WFS1: variants seen among roughly 807,000 people sequenced by gnomAD.
WFS1 encodes the protein wolframin.
A neutral mutation model predicts 68.5 loss-of-function variants in WFS1; 90 were observed. That is an observed-to-expected ratio of 1.31 (90% CI 1.11 to 1.56). The LOEUF (loss-of-function observed/expected upper bound fraction) is 1.56. WFS1 is among the 40% of genes most tolerant of loss of function. The pLI is 0.00. For missense variants in WFS1, 1,767 were observed against 1,232.6 expected, an observed-to-expected ratio of 1.43 and a Z score of -6.49; for synonymous variants, 860 against 540.7, an observed-to-expected ratio of 1.59 and a Z score of -8.19.
intron 7 of WFS1, among the ~76,000 whole-genome samples, chr4:6,298,309 G>A (rs1333030899): frequency 3.9e-5 from 6 of 152,226 alleles, no homozygotes; most frequent in African/African-American, 9.6e-5. Flanking sequence ...CCTGGAGTAG[G>A]TTGGTTTTCA....
chr4:6,298,873 A>C (rs1730732346), intron 7 of WFS1, among the ~76,000 whole-genome samples: 1 of 152,166 alleles, frequency 6.6e-6, no homozygotes, highest in Non-Finnish European at 1.5e-5. Context: ...AACCTGCCCC[A>C]GGGGATTTGT....
At chr4:6,300,379 A>G (rs1223240111) in intron 7 of WFS1, among the ~76,000 whole-genome samples, 1 of 152,048 alleles carries the variant, frequency 6.6e-6, no homozygotes, top group Non-Finnish European at 1.5e-5. Flanking sequence ...GGAGAGAAGC[A>G]CACATGCATC....
chr4:6,301,743 T>G lies in WFS1; in HGVS notation c.1948T>G (p.Tyr650Asp), dbSNP rs759581954. ...GGCCATCGTGCTGTTCTGCTGGTTC[T>G]ATGTGTACCGCTCAGAGGGCATGAA... ...LTAIVLFCWF[Y>D]VYRSEGMKVY... The change falls in exon 8 of 8, where the codon TAT becomes GAT. Residue 650 changes from tyrosine to aspartate, a missense_variant. By Grantham distance (160) the Tyr-to-Asp change is radical (BLOSUM62 -3). Coordinates refer to ENST00000226760, the MANE Select transcript of WFS1 (RefSeq NM_006005.3). 17 of 1,613,852 alleles carry G rather than the reference T, an allele frequency of 1.1e-5. No individual in the cohort carries two copies. The South Asian group carries it at 1.6e-4, about 16-fold the overall frequency.
rs1380857019 is a variant in WFS1 at position 6,299,755 on chromosome 4, AG to A, written c.862-898del. Among the ~76,000 whole-genome samples the A allele has an allele frequency of 2.8e-4, 10 of 35,908 alleles. No homozygotes were observed. The East Asian group carries it at 2.8e-3, about 10-fold the overall frequency. 23.6% of individuals were successfully genotyped at this position (35,908 alleles called of 152,430 possible). A position where few individuals can be genotyped will look rare whatever the true frequency, so the allele number is the denominator to read the frequency against. On this transcript the variant is annotated intron_variant, in intron 7 of 7. Transcript: ENST00000226760. Reference sequence around the variant, plus strand: ...GCGGGTAGGTTGCGTGTGTGTGTGTAGGGGTGGGTTGCGTGTGTGTGAATGT... The same window carrying A: ...GCGGGTAGGTTGCGTGTGTGTGTGTAGGGTGGGTTGCGTGTGTGTGAATGT...
rs780482227 is a variant in WFS1, at chr4:6,301,386, C to T, written c.1591C>T (p.Leu531Phe). The T allele has an allele frequency of 6.2e-6, 10 of 1,612,630 alleles. No individual in the cohort carries two copies. The highest frequency in any genetic ancestry group is 5.5e-5 in the South Asian group (5 of 91,084). Residue 531 changes from leucine (L) to phenylalanine (F), a missense_variant, in exon 8 of 8, where the codon CTT becomes TTT. Transcript: ENST00000226760. ...GAATTTCAAGGGCACCTACTGCTACCTTGTGCCCTACCTGGTGTGCTTCAT... is the reference window on the plus strand; with the variant it reads ...GAATTTCAAGGGCACCTACTGCTACTTTGTGCCCTACCTGGTGTGCTTCAT... ...LRNFKGTYCYLVPYLVCFMWC... is the reference protein window; with the variant it reads ...LRNFKGTYCYFVPYLVCFMWC...
intron 4 of WFS1, among the ~76,000 whole-genome samples, chr4:6,290,570 G>A (rs1730432579): frequency 6.6e-6 from 1 of 152,240 alleles, no homozygotes; most frequent in African/African-American, 2.4e-5. Flanking sequence ...GAAAATTTTG[G>A]AAATGTTCAA....
chr4:6,291,258 G>A lies in WFS1; in HGVS notation c.522G>A (p.Arg174=). The A allele has an allele frequency of 1.2e-6, 2 of 1,613,256 alleles. No individual in the cohort carries two copies. The highest frequency in any genetic ancestry group is 1.7e-6 in the Non-Finnish European group (2 of 1,179,986). Residue 174 remains arginine, a synonymous_variant, in exon 5 of 8, where the codon AGG becomes AGA. Coordinates refer to ENST00000226760, the MANE Select transcript of WFS1 (RefSeq NM_006005.3). ...TCTCCTCCGAGACCGACCTGGAGAG[G>A]GCCGTGCGCAAGGCAGCCCTGGTCA... is the stretch of plus-strand genomic sequence containing the variant. The part of the protein sequence containing the change: ...RQLSSETDLE[R]AVRKAALVMY...
chr4:6,287,160 C>T lies in WFS1; in HGVS notation c.300C>T (p.Pro100=), dbSNP rs891262946. 1.3e-6 allele frequency: 2 copies of T among 1,559,662 alleles called. No homozygotes were observed. Among genetic ancestry groups the T allele is most frequent in the African/African-American group, 2.7e-5 (2 of 74,046 alleles). Reference sequence around the variant, plus strand: ...TGGAGAGGGCCAAGGCCGGGGACCCCAAGGCACAGACTGAGGTGAGGACTG... The same window carrying T: ...TGGAGAGGGCCAAGGCCGGGGACCCTAAGGCACAGACTGAGGTGAGGACTG... ...EVLERAKAGD[P]KAQTEVGKHY... The change falls in exon 3 of 8, where the codon CCC becomes CCT. Residue 100 remains proline, a synonymous_variant. Transcript: ENST00000226760. The surrounding 1 kb of genome is among the most constrained non-coding windows in gnomAD (Gnocchi z 6.4).
chr4:6,284,893 C>G (rs753673221), intron 2 of WFS1, among the ~76,000 whole-genome samples: 2 of 150,644 alleles, frequency 1.3e-5, no homozygotes, highest in African/African-American at 2.4e-5. Flanking sequence ...GCCTTGGTGC[C>G]TGCAGGCTCT....
At chr4:6,284,134 G>GC (rs1317743298) in intron 2 of WFS1, among the ~76,000 whole-genome samples, 1 of 152,158 alleles carries the variant, frequency 6.6e-6, no homozygotes, top group Admixed American at 6.5e-5. Context: ...ACTTTGGGAG[G>GC]CTGAGGCAGC....
At chr4:6,291,855 G>T in intron 5 of WFS1, 62 bp from the exon 6 acceptor site, 3 of 1,524,322 alleles carry the variant, frequency 2.0e-6, no homozygotes, top group Non-Finnish European at 2.7e-6. Context: ...GTTTCTGGTG[G>T]GCTGCAGGGC....
chr4:6,298,366 C>G (rs988824120), intron 7 of WFS1, among the ~76,000 whole-genome samples: 1 of 152,236 alleles, frequency 6.6e-6, no homozygotes, highest in East Asian at 1.9e-4. Flanking sequence ...GCCCTCAAAC[C>G]CTGTAGTGCC....
intron 7 of WFS1, among the ~76,000 whole-genome samples, chr4:6,299,983 ACG>A (rs1730813601): frequency 1.3e-5 from 2 of 151,142 alleles, no homozygotes; most frequent in African/African-American, 4.9e-5. Context: ...ACGTGTGTGT[ACG>A]GGCAGAAGGT....
intron 4 of WFS1, among the ~76,000 whole-genome samples, chr4:6,290,652 G>A (rs534669787): frequency 3.3e-5 from 5 of 152,336 alleles, no homozygotes; most frequent in South Asian, 2.1e-4. Flanking sequence ...GTCCCAGGCC[G>A]TTGGGGGTAA....
intron 2 of WFS1, among the ~76,000 whole-genome samples, chr4:6,280,294 C>G (rs1268969724): frequency 6.6e-6 from 1 of 152,250 alleles, no homozygotes; most frequent in Non-Finnish European, 1.5e-5. Flanking sequence ...ACCTGCCTGT[C>G]GGTGGCTGCC....
rs1262126440 is a variant in WFS1, at chr4:6,301,690, T to C, written c.1895T>C (p.Met632Thr). The change falls in exon 8 of 8, where the codon ATG (methionine) becomes ACG (threonine). Residue 632 changes from methionine to threonine, a missense_variant. Met to Thr is a moderately conservative substitution (Grantham distance 81). Coordinates refer to ENST00000226760, the MANE Select transcript of WFS1 (RefSeq NM_006005.3). ...GMVKSLTRSSMVKLILVWLTA... is the reference protein window; with the variant it reads ...GMVKSLTRSSTVKLILVWLTA... Reference sequence around the variant, plus strand: ...GTGAAGTCCCTGACGCGGAGCTCCATGGTCAAGCTCATCCTGGTGTGGCTC... The same window carrying C: ...GTGAAGTCCCTGACGCGGAGCTCCACGGTCAAGCTCATCCTGGTGTGGCTC... 1 of 1,614,098 alleles carries C rather than the reference T, an allele frequency of 6.2e-7. No homozygotes were observed. Among genetic ancestry groups the C allele is most frequent in the East Asian group, 2.2e-5 (1 of 44,880 alleles).
Position 6,295,054 on chromosome 4 carries a change from C to G in WFS1, c.726C>G (p.Ile242Met), listed in dbSNP as rs71524381. Reference sequence around the variant, plus strand: ...CTCATGCTTCAGCCAAGAACTACATCGCGCTGGATGACTTTGTGGAGATCA... The same window carrying G: ...CTCATGCTTCAGCCAAGAACTACATGGCGCTGGATGACTTTGTGGAGATCA... ...RLVSSESKNY[I>M]ALDDFVEITK... Residue 242 changes from isoleucine (I) to methionine (M), a missense_variant, in exon 7 of 8, where the codon ATC becomes ATG. Physicochemically the swap from Ile to Met is conservative, Grantham distance 10. Transcript: ENST00000226760. The G allele has an allele frequency of 1.2e-6, 2 of 1,613,554 alleles. No individual in the cohort carries two copies. Among genetic ancestry groups the G allele is most frequent in the Admixed American group, 1.7e-5 (1 of 60,026 alleles).
At chr4:6,284,773 C>T (rs897899850) in intron 2 of WFS1, among the ~76,000 whole-genome samples, 2 of 151,202 alleles carry the variant, frequency 1.3e-5, no homozygotes, top group African/African-American at 2.4e-5. Flanking sequence ...GAAGCTGCTT[C>T]GGAGCAGTGA....
rs1248878554 is a variant in WFS1, at chr4:6,291,844, A to T, written c.632-73A>T. Reference sequence around the variant, plus strand: ...TGGCGTGCCCTAGGAACAGTGCGCCAGTTTCTGGTGGGCTGCAGGGCACGA... The same window carrying T: ...TGGCGTGCCCTAGGAACAGTGCGCCTGTTTCTGGTGGGCTGCAGGGCACGA... On this transcript the variant is annotated intron_variant, in intron 5 of 7. Transcript: ENST00000226760. The T allele has an allele frequency of 3.4e-6, 5 of 1,491,420 alleles. No individual in the cohort carries two copies. In the East Asian group the frequency reaches 1.2e-4, roughly 37 times the overall value. 92.4% of individuals were successfully genotyped at this position (1,491,420 alleles called of 1,614,324 possible).
Sources: gnomAD v4.1 joint callset for allele counts (sites outside exome capture counted in the v4.1 genomes callset) on GRCh38, gnomAD v4.1.1 for gene constraint, Gnocchi (gnomAD v3.1) non-coding constraint, MANE v1.5 for transcripts, NCBI Gene and HGNC (gene_info 2026-07-23, HGNC 2026-07-21) for gene names.